FAM168A: variants seen among roughly 807,000 people sequenced by gnomAD.
The protein encoded by FAM168A is protein FAM168A.
Under a neutral mutation model 28.5 loss-of-function variants are expected in FAM168A, and 3 were observed. The ratio of observed to expected loss-of-function variants is 0.11; its 90% CI spans 0.05 to 0.27. The LOEUF (loss-of-function observed/expected upper bound fraction) is 0.27, where lower values mean the gene tolerates loss of function less well. FAM168A is among the 10% of genes least tolerant of loss of function. The pLI is 1.00. For synonymous variants in FAM168A, 122 were observed against 124.2 expected (o/e 0.98, Z 0.12); for missense variants, 222 against 311.5 (o/e 0.71, Z 2.16).
At chr11:73,542,806 T>C (rs1943674123) in intron 1 of FAM168A, among the ~76,000 whole-genome samples, 1 of 152,124 alleles carries the variant, frequency 6.6e-6, no homozygotes, top group South Asian at 2.1e-4. Context: ...GCATCAACAT[T>C]TGTGTTGTTT....
At chr11:73,487,345 A>G (rs1868066454) in intron 1 of FAM168A, among the ~76,000 whole-genome samples, 1 of 152,164 alleles carries the variant, frequency 6.6e-6, no homozygotes, top group Non-Finnish European at 1.5e-5. Context: ...AGCACTTTCA[A>G]GCAGGGGCTG....
intron 1 of FAM168A, among the ~76,000 whole-genome samples, chr11:73,540,591 G>T (rs1943641390): frequency 6.6e-6 from 1 of 152,100 alleles, no homozygotes; most frequent in Non-Finnish European, 1.5e-5. Flanking sequence ...TCTACTTGCT[G>T]TTTCCTCTGC....
At chr11:73,452,723 T>C (rs540199661) in intron 2 of FAM168A, among the ~76,000 whole-genome samples, 29 of 151,740 alleles carry the variant, frequency 1.9e-4, no homozygotes, top group African/African-American at 6.8e-4. Context: ...GAGGTCAGTA[T>C]CCAAAGCTCA....
At chr11:73,582,519 C>A (rs949130918) in intron 1 of FAM168A, among the ~76,000 whole-genome samples, 1 of 152,000 alleles carries the variant, frequency 6.6e-6, no homozygotes, top group Admixed American at 6.6e-5. Context: ...AAATTGCCTG[C>A]CAGAAACTAC....
intron 1 of FAM168A, among the ~76,000 whole-genome samples, chr11:73,587,028 C>T (rs1043228294): frequency 3.5e-4 from 53 of 151,868 alleles, no homozygotes; most frequent in Non-Finnish European, 2.9e-5. Context: ...GCCATTCCCC[C>T]AATAAGAAAT....
chr11:73,554,532 G>A (rs553099066), intron 1 of FAM168A, among the ~76,000 whole-genome samples: 1 of 152,236 alleles, frequency 6.6e-6, no homozygotes. Context: ...AGAATATAGA[G>A]CGATATTATT....
Position 73,405,428 on chromosome 11 carries a change from C to T in FAM168A, c.*1335G>A, listed in dbSNP as rs978268720. On this transcript the variant is annotated 3_prime_UTR_variant, in exon 8 of 8. Transcript: ENST00000356467. ...TAATTTTTACAAAACCAAGCCAATC[C>T]GTCCCTAGGTAAATTTTTGTAAGCA... 1.3e-5 allele frequency: 2 copies of T among 152,110 alleles called. No homozygotes were observed. Among genetic ancestry groups the T allele is most frequent in the African/African-American group, 4.8e-5 (2 of 41,406 alleles). The allele number at this position is 152,110 out of a possible 1,614,324, so 9.4% of individuals were successfully genotyped here.
intron 1 of FAM168A, among the ~76,000 whole-genome samples, chr11:73,540,630 G>A (rs1943641713): frequency 6.6e-6 from 1 of 152,096 alleles, no homozygotes; most frequent in African/African-American, 2.4e-5. Context: ...ATCTTCTCAT[G>A]GCTTACTACT....
intron 1 of FAM168A, among the ~76,000 whole-genome samples, chr11:73,537,417 C>T (rs1381781824): frequency 2.6e-5 from 4 of 152,038 alleles, no homozygotes; most frequent in African/African-American, 4.8e-5. Flanking sequence ...AAAAATTAGC[C>T]GGGCATGGTG....
chr11:73,506,331 A>G (rs955372272), intron 1 of FAM168A, among the ~76,000 whole-genome samples: 4 of 152,144 alleles, frequency 2.6e-5, no homozygotes, highest in African/African-American at 7.2e-5. Flanking sequence ...ATCTATAGAA[A>G]TAAGAAGAAA....
rs76754555 is a variant in FAM168A at position 73,429,658 on chromosome 11, T to C, written c.151+1032A>G. On this transcript the variant is annotated intron_variant, in intron 3 of 7. Transcript: ENST00000356467. ...CAGCTTCTACTTCTTCAAATCTCTG[T>C]TGTTCTCCACTCTCTGAAGCTTCCC... is the stretch of plus-strand genomic sequence containing the variant. Among the ~76,000 whole-genome samples, 240 of 152,310 alleles carry C rather than the reference T, an allele frequency of 1.6e-3. 2 individuals carry two copies. The highest frequency in any genetic ancestry group is 5.5e-3 in the African/African-American group (228 of 41,554).
chr11:73,443,909 C>T (rs1284093487), intron 2 of FAM168A, among the ~76,000 whole-genome samples: 3 of 152,138 alleles, frequency 2.0e-5, no homozygotes, highest in African/African-American at 7.2e-5. Context: ...TGAGCAGGGC[C>T]AGGCCAGAGT....
At chr11:73,494,876 T>C (rs1451423971) in intron 1 of FAM168A, among the ~76,000 whole-genome samples, 2 of 152,028 alleles carry the variant, frequency 1.3e-5, no homozygotes, top group Middle Eastern at 3.2e-3. Context: ...GGCCCATGCC[T>C]GTAATCCCAG....
chr11:73,488,121 A>G (rs1868077887), intron 1 of FAM168A, among the ~76,000 whole-genome samples: 1 of 150,514 alleles, frequency 6.6e-6, no homozygotes, highest in Admixed American at 6.6e-5. Flanking sequence ...CACTATTTTC[A>G]TGTGGGGCCT....
intron 1 of FAM168A, among the ~76,000 whole-genome samples, chr11:73,570,772 AT>A (rs1288707262): frequency 6.6e-6 from 1 of 151,916 alleles, no homozygotes; most frequent in Non-Finnish European, 1.5e-5. Context: ...GAAAAAAAAT[AT>A]TTAAGTATCA....
chr11:73,425,401 G>A (rs909957489), intron 3 of FAM168A, among the ~76,000 whole-genome samples: 1 of 152,216 alleles, frequency 6.6e-6, no homozygotes, highest in Non-Finnish European at 1.5e-5. Flanking sequence ...TGGCAGATGT[G>A]TTAGAGGAAG....
chr11:73,410,040 T>G (rs1277984986), intron 5 of FAM168A, among the ~76,000 whole-genome samples: 2 of 151,678 alleles, frequency 1.3e-5, no homozygotes, highest in African/African-American at 4.9e-5. Context: ...CCAGAACACA[T>G]ACACAAAAGG....
At chr11:73,516,059 C>T (rs893223654) in intron 1 of FAM168A, among the ~76,000 whole-genome samples, 8 of 151,180 alleles carry the variant, frequency 5.3e-5, no homozygotes, top group Admixed American at 1.3e-4. Context: ...CGAGATCGTG[C>T]CACTGCACTC....
At chr11:73,577,723 T>A (rs1192121881) in intron 1 of FAM168A, among the ~76,000 whole-genome samples, 1 of 152,212 alleles carries the variant, frequency 6.6e-6, no homozygotes, top group East Asian at 1.9e-4. Context: ...GAACTCTGAC[T>A]ACAAACTCAT....
Sources: allele counts gnomAD v4.1 joint callset (sites outside exome capture counted in the v4.1 genomes callset), GRCh38; gene constraint gnomAD v4.1.1; transcripts MANE v1.5; gene names NCBI Gene and HGNC (gene_info 2026-07-23, HGNC 2026-07-21).